PDIA5: variants seen among roughly 807,000 people sequenced by gnomAD.
The protein encoded by PDIA5 is protein disulfide-isomerase A5.
A neutral mutation model predicts 77.6 loss-of-function variants in PDIA5; 58 were observed. The observed-to-expected ratio is 0.75, with a 90% CI of 0.61 to 0.93. The LOEUF (loss-of-function observed/expected upper bound fraction) is 0.93. Ranked by LOEUF, PDIA5 falls within the 40% of genes least tolerant of loss-of-function variation. PDIA5 has a pLI of 0.00. For synonymous variants in PDIA5, 250 were observed against 252.1 expected (o/e 0.99, Z 0.08); for missense variants, 630 against 647.7 (o/e 0.97, Z 0.30).
chr3:123,068,520 C>T (rs916316034), intron 1 of PDIA5, among the ~76,000 whole-genome samples: 2 of 152,200 alleles, frequency 1.3e-5, no homozygotes, highest in African/African-American at 4.8e-5. Context: ...GCCAGTTGGT[C>T]TGGGCGGGTC....
chr3:123,067,499 C>A (rs1933601706), intron 1 of PDIA5: 2 of 366,642 alleles, frequency 5.5e-6, no homozygotes, highest in Non-Finnish European at 9.7e-6. Context: ...GGATGCAGGT[C>A]GGGGCACAGC....
chr3:123,147,441 G>C (rs1043318188), intron 13 of PDIA5, among the ~76,000 whole-genome samples: 8 of 152,202 alleles, frequency 5.3e-5, no homozygotes, highest in African/African-American at 1.7e-4. Flanking sequence ...GAGCTACTTT[G>C]TTAGGACATC....
Position 123,110,924 on chromosome 3 carries a change from A to T in PDIA5, c.481-20A>T. The T allele has an allele frequency of 6.2e-7, 1 of 1,606,642 alleles. No individual in the cohort carries two copies. The highest frequency in any genetic ancestry group is 8.5e-7 in the Non-Finnish European group (1 of 1,173,388). ...ACTGTGTTGTGTGCGAGCTGCTGGT[A>T]TTCTCTTTTTGTGCCTCAGGACTTC... On this transcript the variant is annotated intron_variant, in intron 6 of 16. Coordinates refer to ENST00000316218, the MANE Select transcript of PDIA5 (RefSeq NM_006810.4).
At chr3:123,083,487 A>G (rs1383252109) in intron 1 of PDIA5, among the ~76,000 whole-genome samples, 3 of 152,152 alleles carry the variant, frequency 2.0e-5, no homozygotes, top group African/African-American at 7.2e-5. Flanking sequence ...AAAGAAAGCA[A>G]TTATTGGAGA....
chr3:123,087,161 A>C (rs1477148771), intron 1 of PDIA5, among the ~76,000 whole-genome samples: 2 of 151,960 alleles, frequency 1.3e-5, no homozygotes, highest in Non-Finnish European at 2.9e-5. Context: ...GTTTTGGAAC[A>C]TTTTCTTCAA....
At chr3:123,143,489 G>A (rs780953369) in intron 11 of PDIA5, among the ~76,000 whole-genome samples, 4 of 151,892 alleles carry the variant, frequency 2.6e-5, no homozygotes, top group Admixed American at 2.6e-4. Flanking sequence ...AGCAGCTGCC[G>A]GCTCCCCTGG....
At chr3:123,129,255 G>A (rs1340447805) in intron 10 of PDIA5, among the ~76,000 whole-genome samples, 2 of 152,210 alleles carry the variant, frequency 1.3e-5, no homozygotes, top group Non-Finnish European at 2.9e-5. Flanking sequence ...TCTGAAGCTT[G>A]ATTTTGTCAC....
intron 5 of PDIA5, among the ~76,000 whole-genome samples, chr3:123,103,459 T>G (rs1030460013): frequency 3.3e-5 from 5 of 152,188 alleles, no homozygotes; most frequent in African/African-American, 4.8e-5. Context: ...TTTCTCCTGG[T>G]CCTGACGTGT....
At chr3:123,110,180 C>T (rs1410387318) in intron 6 of PDIA5, among the ~76,000 whole-genome samples, 1 of 152,262 alleles carries the variant, frequency 6.6e-6, no homozygotes, top group African/African-American at 2.4e-5. Flanking sequence ...TGTTCACACA[C>T]TCAAGTCTTT....
intron 3 of PDIA5, among the ~76,000 whole-genome samples, chr3:123,092,781 G>A (rs1243764984): frequency 6.6e-6 from 1 of 152,136 alleles, no homozygotes; most frequent in African/African-American, 2.4e-5. Flanking sequence ...TACCCCGAGA[G>A]GCAAGGTGAT....
At chr3:123,099,061 A>G (rs1221543140) in intron 3 of PDIA5, among the ~76,000 whole-genome samples, 5 of 140,296 alleles carry the variant, frequency 3.6e-5, no homozygotes, top group South Asian at 2.2e-4. Flanking sequence ...GCTTGCGCAC[A>G]CACACACACA....
intron 10 of PDIA5, 137 bp downstream of exon 10, chr3:123,124,480 T>TC: frequency 1.4e-6 from 1 of 728,146 alleles, no homozygotes; most frequent in Non-Finnish European, 2.5e-6. Context: ...TACACAGCTG[T>TC]CTCTGGCTTG....
chr3:123,074,012 G>A (rs1933789085), intron 1 of PDIA5, among the ~76,000 whole-genome samples: 1 of 152,364 alleles, frequency 6.6e-6, no homozygotes, highest in Admixed American at 6.5e-5. Context: ...TGAGGAACGA[G>A]TGGGTTTGTT....
intron 3 of PDIA5, among the ~76,000 whole-genome samples, chr3:123,095,749 C>CAAA (rs61654925): frequency 0.057 from 4,906 of 86,564 alleles, 190 homozygotes; most frequent in African/African-American, 0.11. Flanking sequence ...AACTCTGTCT[C>CAAA]AAAAAAAAAA....
chr3:123,137,765 G>A (rs1935534692), intron 11 of PDIA5, among the ~76,000 whole-genome samples: 1 of 152,168 alleles, frequency 6.6e-6, no homozygotes, highest in Non-Finnish European at 1.5e-5. Context: ...AGAGGCCACA[G>A]CCTAACCACT....
At position 123,124,124 on chromosome 3, in the gene PDIA5, G is replaced by T; in HGVS notation, c.668G>T (p.Ser223Ile). 5.6e-6 allele frequency: 9 copies of T among 1,614,066 alleles called. No individual in the cohort carries two copies. The highest frequency in any genetic ancestry group is 5.9e-6 in the Non-Finnish European group (7 of 1,179,912). The change falls in exon 9 of 17, where the codon AGC becomes ATC. Residue 223 changes from serine to isoleucine, a missense_variant. Physicochemically the swap from Ser to Ile is moderately radical, Grantham distance 142. Coordinates refer to ENST00000316218, the MANE Select transcript of PDIA5 (RefSeq NM_006810.4). Reference sequence around the variant, plus strand: ...TTTGAAAACATCAAGGAGGAGTACAGCGTGCGCGGCTTCCCCACCATCTGC... The same window carrying T: ...TTTGAAAACATCAAGGAGGAGTACATCGTGCGCGGCTTCCCCACCATCTGC... ...SEFENIKEEY[S>I]VRGFPTICYF...
At position 123,124,088 on chromosome 3, in the gene PDIA5, A is replaced by C. The variant is rs749090585; in HGVS notation, c.632A>C (p.Tyr211Ser). 6.2e-7 allele frequency: 1 copy of C among 1,613,636 alleles called. No homozygotes were observed. The highest frequency in any genetic ancestry group is 8.5e-7 in the Non-Finnish European group (1 of 1,179,782). The part of the protein sequence containing the change: ...GHAVLAGMNV[Y>S]SSEFENIKEE... ...CAGGTGCTGGCCGGGATGAATGTCT[A>C]CTCCTCTGAATTTGAAAACATCAAG... Residue 211 changes from tyrosine (Y) to serine (S), a missense_variant, in exon 9 of 17, where the codon TAC becomes TCC. Tyr to Ser is a moderately radical substitution (Grantham distance 144). Transcript: ENST00000316218.
intron 1 of PDIA5, among the ~76,000 whole-genome samples, chr3:123,080,540 A>T (rs1444741056): frequency 1.3e-5 from 2 of 152,174 alleles, no homozygotes; most frequent in African/African-American, 4.8e-5. Context: ...TGACCAAAGT[A>T]CCTGATAAGA....
intron 7 of PDIA5, among the ~76,000 whole-genome samples, chr3:123,115,222 G>C (rs1424139914): frequency 1.3e-5 from 2 of 152,240 alleles, no homozygotes; most frequent in African/African-American, 4.8e-5. Flanking sequence ...CAGTCGGAAA[G>C]GGTAATAGCC....
Sources: allele counts gnomAD v4.1 joint callset (sites outside exome capture counted in the v4.1 genomes callset), GRCh38; gene constraint gnomAD v4.1.1; transcripts MANE v1.5; gene names NCBI Gene and HGNC (gene_info 2026-07-23, HGNC 2026-07-21).